Variants in ASXL3 observed in about 807,000 individuals in gnomAD.
ASXL3 encodes putative Polycomb group protein ASXL3.
ASXL3 carries 34 observed loss-of-function variants against 170.6 expected under a neutral mutation model. The ratio of observed to expected loss-of-function variants is 0.20; its 90% confidence interval spans 0.15 to 0.27. The LOEUF (loss-of-function observed/expected upper bound fraction) is 0.27, where lower values mean the gene tolerates loss of function less well. Among genes scored for constraint, ASXL3 ranks in the 10% least tolerant of loss-of-function variants. The probability of loss-of-function intolerance (pLI) is 1.00; values close to 1 mark genes in which losing one functional copy is unlikely to be tolerated. For missense variants in ASXL3, 2,592 were observed against 2,695.3 expected (o/e 0.96, Z 0.85); for synonymous variants, 1,002 against 989.1 (o/e 1.01, Z -0.24).
intron 8 of ASXL3, among the ~76,000 whole-genome samples, chr18:33,697,608 G>A (rs751433322): frequency 1.4e-4 from 22 of 152,066 alleles, no homozygotes; most frequent in Non-Finnish European, 2.6e-4. Flanking sequence ...GTGAGAACAA[G>A]CACTGTTCCT....
In ASXL3 at chr18:33,607,665, A is replaced by G. The variant is rs2065270445; in HGVS notation, c.126A>G (p.Leu42=). 2 of 1,578,614 alleles carry G rather than the reference A, an allele frequency of 1.3e-6. No individual in the cohort carries two copies. Among genetic ancestry groups the G allele is most frequent in the Non-Finnish European group, 1.7e-6 (2 of 1,160,812 alleles). The change falls in exon 2 of 12, where the codon TTA becomes TTG. Residue 42 remains leucine, a synonymous_variant. Transcript: ENST00000269197. ...QILEVIQKEG[L]KETSGTSPLA... is the part of the protein sequence containing the mutation. ...TGGAAGTCATTCAGAAAGAAGGGTT[A>G]AAAGAAACAAGGTCAGTATCCATAT...
chr18:33,737,358 C>CTT (rs974246368), intron 10 of ASXL3, among the ~76,000 whole-genome samples: 3 of 152,128 alleles, frequency 2.0e-5, no homozygotes, highest in African/African-American at 7.2e-5. Context: ...TATTTCTTCA[C>CTT]TTAAATGTTC....
At chr18:33,664,408 A>T (rs1167185138) in intron 5 of ASXL3, among the ~76,000 whole-genome samples, 1 of 152,180 alleles carries the variant, frequency 6.6e-6, no homozygotes, top group African/African-American at 2.4e-5. Context: ...CATAGTTATT[A>T]AAAATAGCAT....
At chr18:33,685,088 A>G (rs1383251705) in intron 8 of ASXL3, among the ~76,000 whole-genome samples, 1 of 152,200 alleles carries the variant, frequency 6.6e-6, no homozygotes, top group African/African-American at 2.4e-5. Flanking sequence ...CCATTGAGGG[A>G]TTTTGAATGG....
At chr18:33,584,481 TA>T (rs2065019383) in intron 1 of ASXL3, among the ~76,000 whole-genome samples, 1 of 152,158 alleles carries the variant, frequency 6.6e-6, no homozygotes, top group Non-Finnish European at 1.5e-5. Flanking sequence ...TTACGATATG[TA>T]TTTGTACAGT....
At chr18:33,692,964 G>A (rs2066709663) in intron 8 of ASXL3, among the ~76,000 whole-genome samples, 1 of 152,136 alleles carries the variant, frequency 6.6e-6, no homozygotes. Flanking sequence ...GTGCCAGCAT[G>A]GTGGGATTCT....
rs895378139 is a variant in ASXL3 at position 33,749,858 on chromosome 18, G to A, written c.*3263G>A. 6.6e-6 allele frequency: 1 copy of A among 152,114 alleles called. No homozygotes were observed. The highest frequency in any genetic ancestry group is 6.5e-5 in the Admixed American group (1 of 15,272). 9.4% of individuals were successfully genotyped at this position (152,114 alleles called of 1,614,324 possible). ...TGCTGGACCTTGGATATTCTTACTC[G>A]GTTCAAAATACACAAAAACAAGCTG... is the stretch of plus-strand genomic sequence containing the variant. On this transcript the variant is annotated 3_prime_UTR_variant, in exon 12 of 12. Coordinates refer to ENST00000269197, the MANE Select transcript of ASXL3 (RefSeq NM_030632.3).
At chr18:33,646,066 A>G (rs972918334) in intron 3 of ASXL3, among the ~76,000 whole-genome samples, 179 bp from the exon 4 acceptor site, 47 of 152,070 alleles carry the variant, frequency 3.1e-4, no homozygotes, top group African/African-American at 1.1e-3. Context: ...AACAGTAGCA[A>G]TGGGCTTTAC....
Position 33,744,855 on chromosome 18 carries a change from A to G in ASXL3, c.5007A>G (p.Lys1669=), listed in dbSNP as rs2067745836. Residue 1669 remains lysine, a synonymous_variant, in exon 12 of 12, where the codon AAA becomes AAG. Transcript: ENST00000269197. ...TAACAAATGTTGCTCTTCCTGTGAA[A>G]TCTGAACTTCACGAAGCAGACAAGG... is the stretch of plus-strand genomic sequence containing the variant. The part of the protein sequence containing the change: ...NLVTNVALPV[K]SELHEADKGF... 1 of 1,614,052 alleles carries G rather than the reference A, an allele frequency of 6.2e-7. No homozygotes were observed.
Position 33,609,001 on chromosome 18 carries a change from T to G in ASXL3, c.137+1325T>G, listed in dbSNP as rs991736197. Reference sequence around the variant, plus strand: ...TTTTTTTTTGCCTACGCTGGAGAAATAGCCTAAGATAATATAACCACGCTG... The same window carrying G: ...TTTTTTTTTGCCTACGCTGGAGAAAGAGCCTAAGATAATATAACCACGCTG... On this transcript the variant is annotated intron_variant, in intron 2 of 11. Transcript: ENST00000269197. 5.1e-6 allele frequency: 5 copies of G among 982,120 alleles called. No homozygotes were observed. The African/African-American group carries it at 8.7e-5, about 17-fold the overall frequency. The allele number at this position is 982,120 out of a possible 1,614,324, so 60.8% of individuals were successfully genotyped here.
chr18:33,734,365 G>A lies in ASXL3; in HGVS notation c.1032G>A (p.Lys344=), dbSNP rs758845808. The A allele has an allele frequency of 1.2e-6, 2 of 1,609,456 alleles. No homozygotes were observed. The highest frequency in any genetic ancestry group is 8.5e-7 in the Non-Finnish European group (1 of 1,178,102). ...TAAGGCAAGAAATTGAGAAGGAAAA[G>A]AAAACAGAACCTTGGAAAGAAAAAT... is the stretch of plus-strand genomic sequence containing the variant. The part of the protein sequence containing the change: ...LRIRQEIEKE[K]KTEPWKEKFF... The change falls in exon 10 of 12, where the codon AAG becomes AAA. Residue 344 remains lysine, a synonymous_variant. Coordinates refer to ENST00000269197, the MANE Select transcript of ASXL3 (RefSeq NM_030632.3).
At chr18:33,617,180 TA>T (rs1268687662) in intron 2 of ASXL3, among the ~76,000 whole-genome samples, 6 of 152,140 alleles carry the variant, frequency 3.9e-5, no homozygotes, top group African/African-American at 1.4e-4. Context: ...TATAAACCAA[TA>T]AAATTAAGAA....
rs761118865 is a variant in ASXL3 at position 33,745,881 on chromosome 18, C to A, written c.6033C>A (p.Asn2011Lys). The change falls in exon 12 of 12, where the codon AAC becomes AAA. Residue 2011 changes from asparagine to lysine, a missense_variant. This residue lies in a region of ASXL3 where 2,246 missense variants were observed against 2,219.6 expected (regional missense o/e 1.01). Coordinates refer to ENST00000269197, the MANE Select transcript of ASXL3 (RefSeq NM_030632.3). ...GAGGCACTGCACACACAATGCCAAA[C>A]AAAGCACTAGTACATCCGCCGCCGC... Reference protein sequence around the residue: ...EVGGTAHTMPNKALVHPPPPP... With the variant: ...EVGGTAHTMPKKALVHPPPPP... 3.6e-5 allele frequency: 58 copies of A among 1,613,482 alleles called. No individual in the cohort carries two copies. The highest frequency in any genetic ancestry group is 4.9e-5 in the Non-Finnish European group (58 of 1,179,884).
At chr18:33,604,420 T>G (rs1056749942) in intron 1 of ASXL3, among the ~76,000 whole-genome samples, 1 of 151,968 alleles carries the variant, frequency 6.6e-6, no homozygotes, top group Non-Finnish European at 1.5e-5. Flanking sequence ...ATTAGATGTT[T>G]CGTTGAATTC....
intron 8 of ASXL3, among the ~76,000 whole-genome samples, chr18:33,697,521 A>T (rs1293111484): frequency 6.6e-6 from 1 of 152,124 alleles, no homozygotes; most frequent in South Asian, 2.1e-4. Flanking sequence ...ATGATATCTT[A>T]GGCAGAACCA....
At chr18:33,635,335 A>G (rs1045662492) in intron 2 of ASXL3, among the ~76,000 whole-genome samples, 1 of 152,206 alleles carries the variant, frequency 6.6e-6, no homozygotes, top group Non-Finnish European at 1.5e-5. Context: ...TTGGGCATCC[A>G]TCAGGTTGAT....
chr18:33,614,849 C>T (rs191544704), intron 2 of ASXL3: 10 of 151,408 alleles, frequency 6.6e-5, no homozygotes, highest in East Asian at 1.9e-4. Flanking sequence ...CTGAGCAGTA[C>T]GTCTTAACAG....
At chr18:33,646,400 T>C (rs2065914735) in intron 4 of ASXL3, 47 bp downstream of exon 4, 1 of 1,325,896 alleles carries the variant, frequency 7.5e-7, no homozygotes, top group African/African-American at 1.5e-5. Context: ...CTCTTAAAAG[T>C]TATATAGAAT....
At chr18:33,710,223 T>C (rs927788814) in intron 8 of ASXL3, among the ~76,000 whole-genome samples, 2 of 152,128 alleles carry the variant, frequency 1.3e-5, no homozygotes, top group African/African-American at 4.8e-5. Context: ...ATCGCACCAC[T>C]GTACTCCAGC....
Sources: allele counts gnomAD v4.1 joint callset (sites outside exome capture counted in the v4.1 genomes callset), GRCh38; gene constraint gnomAD v4.1.1; regional missense constraint gnomAD v4.1.1; transcripts MANE v1.5; gene names NCBI Gene and HGNC (gene_info 2026-07-23, HGNC 2026-07-21).